The following CNTNAP2 variants were observed in gnomAD, a reference collection of about 807,000 sequenced individuals.
The protein encoded by CNTNAP2 is contactin-associated protein-like 2.
CNTNAP2 carries 98 observed loss-of-function variants against 155.2 expected under a neutral mutation model. The observed-to-expected ratio is 0.63, with a 90% CI of 0.54 to 0.75. The LOEUF (loss-of-function observed/expected upper bound fraction) is 0.75, where lower values mean the gene tolerates loss of function less well. Among genes scored for constraint, CNTNAP2 ranks in the 30% least tolerant of loss-of-function variants. CNTNAP2 has a pLI of 0.00. For synonymous variants in CNTNAP2, 651 were observed against 631.2 expected, an observed-to-expected ratio of 1.03 and a Z score of -0.47; for missense variants, 1,727 against 1,688.1, an observed-to-expected ratio of 1.02 and a Z score of -0.40.
At chr7:147,628,318 G>T (rs9886187) in intron 12 of CNTNAP2, among the ~76,000 whole-genome samples, 13,693 of 152,176 alleles carry the variant, frequency 0.09, 1,714 homozygotes, top group African/African-American at 0.26. Context: ...AAGAATTGGG[G>T]TGTCATCTTT....
Position 147,276,781 on chromosome 7 carries a change from G to A in CNTNAP2, c.1349-23360G>A, listed in dbSNP as rs570459380. On this transcript the variant is annotated intron_variant, in intron 8 of 23. Transcript: ENST00000361727. Reference sequence around the variant, plus strand: ...TTTATACTAGCACACTTTCATATATGTATTTGTATTTATAAGAAATTTTTC... The same window carrying A: ...TTTATACTAGCACACTTTCATATATATATTTGTATTTATAAGAAATTTTTC... Among the ~76,000 whole-genome samples, 5 of 151,844 alleles carry A rather than the reference G, an allele frequency of 3.3e-5. 1 individual carries two copies. The highest frequency in any genetic ancestry group is 9.6e-5 in the African/African-American group (4 of 41,454).
rs543951281 is a variant in CNTNAP2, at chr7:146,647,100, G to A, written c.98-127171G>A. Among the ~76,000 whole-genome samples the A allele has an allele frequency of 2.4e-4, 37 of 152,298 alleles. No homozygotes were observed. In the South Asian group the frequency reaches 6.8e-3, roughly 28 times the overall value. ...GGCTTGACTGAGGGCAGAGTCTGTA[G>A]TGCCAATGGGTGAAGGGATAACAAG... On this transcript the variant is annotated intron_variant, in intron 1 of 23. Coordinates refer to ENST00000361727, the MANE Select transcript of CNTNAP2 (RefSeq NM_014141.6).
At chr7:146,674,962 A>G (rs1415483078) in intron 1 of CNTNAP2, among the ~76,000 whole-genome samples, 3 of 152,172 alleles carry the variant, frequency 2.0e-5, no homozygotes, top group Admixed American at 6.5e-5. Context: ...AAGACAGTTC[A>G]TCTTGTGTTT....
chr7:147,317,806 A>ATGTG (rs1449857526), intron 9 of CNTNAP2, among the ~76,000 whole-genome samples: 1 of 84,858 alleles, frequency 1.2e-5, no homozygotes, highest in Non-Finnish European at 2.7e-5. Flanking sequence ...GTGTATATGT[A>ATGTG]TATATATGTG....
chr7:147,502,759 A>G (rs529607806), intron 11 of CNTNAP2, among the ~76,000 whole-genome samples: 1 of 151,424 alleles, frequency 6.6e-6, no homozygotes, highest in East Asian at 1.9e-4. Context: ...ATATATATAT[A>G]AAACAAATCA....
At chr7:146,630,062 C>T (rs1799485750) in intron 1 of CNTNAP2, among the ~76,000 whole-genome samples, 1 of 151,674 alleles carries the variant, frequency 6.6e-6, no homozygotes, top group South Asian at 2.1e-4. Context: ...GTTTGCTGCA[C>T]CTATCAACCC....
chr7:146,288,241 T>G (rs1442295603), intron 1 of CNTNAP2, among the ~76,000 whole-genome samples: 1 of 145,446 alleles, frequency 6.9e-6, no homozygotes, highest in Non-Finnish European at 1.5e-5. Context: ...GAGGCTACAG[T>G]GAGCTGTGAC....
rs946745574 is a variant in CNTNAP2 at position 147,274,950 on chromosome 7, T to G, written c.1349-25191T>G. Reference sequence around the variant, plus strand: ...ATGTCCTTTTCCCATTGTTTATTTATGTTGATTTTGTCACAGATCTCTTGG... The same window carrying G: ...ATGTCCTTTTCCCATTGTTTATTTAGGTTGATTTTGTCACAGATCTCTTGG... On this transcript the variant is annotated intron_variant, in intron 8 of 23. Transcript: ENST00000361727. Among the ~76,000 whole-genome samples, 3 of 152,148 alleles carry G rather than the reference T, an allele frequency of 2.0e-5. No individual in the cohort carries two copies. The East Asian group carries it at 5.8e-4, about 29-fold the overall frequency.
intron 18 of CNTNAP2, among the ~76,000 whole-genome samples, chr7:148,178,595 A>G (rs912300266): frequency 7.2e-5 from 11 of 152,274 alleles, no homozygotes; most frequent in African/African-American, 2.7e-4. Context: ...GTCTCAACCT[A>G]TAAGATGATG....
chr7:148,239,228 C>T (rs1453874838), intron 20 of CNTNAP2, among the ~76,000 whole-genome samples: 2 of 152,184 alleles, frequency 1.3e-5, no homozygotes, highest in African/African-American at 4.8e-5. Context: ...GAACTTTTAC[C>T]TATTATAGCA....
intron 3 of CNTNAP2, among the ~76,000 whole-genome samples, chr7:147,023,302 C>G (rs1223618914): frequency 6.6e-6 from 1 of 152,152 alleles, no homozygotes; most frequent in Non-Finnish European, 1.5e-5. Flanking sequence ...AAAATCAACT[C>G]TGAGGTATAA....
At chr7:148,383,545 G>A (rs953483700) in intron 21 of CNTNAP2, 104 bp from the exon 22 acceptor site, 89 of 1,525,408 alleles carry the variant, frequency 5.8e-5, no homozygotes, top group Non-Finnish European at 7.7e-5. Context: ...ATCTTAAACT[G>A]AAACCTAAAT....
At chr7:148,298,487 C>G (rs141674737) in intron 21 of CNTNAP2, among the ~76,000 whole-genome samples, 132 of 152,150 alleles carry the variant, frequency 8.7e-4, no homozygotes, top group African/African-American at 3.1e-3. Flanking sequence ...TTATTCTAGC[C>G]ACACTGGCAG....
chr7:147,403,486 A>G (rs1258904169), intron 10 of CNTNAP2, among the ~76,000 whole-genome samples: 1 of 152,196 alleles, frequency 6.6e-6, no homozygotes, highest in African/African-American at 2.4e-5. Context: ...TATTCAGTCA[A>G]CAAATACTTC....
chr7:147,314,227 A>C (rs996755272), intron 9 of CNTNAP2, among the ~76,000 whole-genome samples: 1 of 152,152 alleles, frequency 6.6e-6, no homozygotes, highest in African/African-American at 2.4e-5. Flanking sequence ...GGGAAATTTG[A>C]AGTGTTTTTA....
chr7:147,701,500 A>G (rs545556259), intron 13 of CNTNAP2, among the ~76,000 whole-genome samples: 1 of 152,300 alleles, frequency 6.6e-6, no homozygotes, highest in Non-Finnish European at 1.5e-5. Context: ...CTTGTCATTG[A>G]TACATTTTAT....
At chr7:147,132,545 T>A (rs1297489097) in intron 8 of CNTNAP2, 36 bp downstream of exon 8, 1 of 1,612,406 alleles carries the variant, frequency 6.2e-7, no homozygotes, top group Non-Finnish European at 8.5e-7. Context: ...TTCCTGAAAC[T>A]TATTGCAATT....
intron 2 of CNTNAP2, among the ~76,000 whole-genome samples, chr7:146,791,882 A>G (rs762291284): frequency 2.6e-5 from 4 of 152,174 alleles, no homozygotes; most frequent in Non-Finnish European, 5.9e-5. Flanking sequence ...TGTTTATTGG[A>G]TTAATGTAGA....
At chr7:148,288,037 G>A (rs139612278) in intron 21 of CNTNAP2, among the ~76,000 whole-genome samples, 1,563 of 150,980 alleles carry the variant, frequency 0.01, 49 homozygotes, top group Admixed American at 0.05. Context: ...TGATCGGCCC[G>A]CCTTGGCCCC....
Sources: gnomAD v4.1 joint callset for allele counts (sites outside exome capture counted in the v4.1 genomes callset) on GRCh38, gnomAD v4.1.1 for gene constraint, MANE v1.5 for transcripts, NCBI Gene and HGNC (gene_info 2026-07-23, HGNC 2026-07-21) for gene names.